Variants in PDE4DIP observed in about 807,000 individuals in gnomAD.
The protein encoded by PDE4DIP is phosphodiesterase 4D interacting protein.
Under a neutral mutation model 221.4 loss-of-function variants are expected in PDE4DIP, and 59 were observed. That is an observed-to-expected ratio of 0.27 (90% CI 0.22 to 0.33). The LOEUF is 0.33. Ranked by LOEUF, PDE4DIP falls within the 10% of genes least tolerant of loss-of-function variation. The probability of loss-of-function intolerance (pLI) is 1.00; values close to 1 mark genes in which losing one functional copy is unlikely to be tolerated. For missense variants in PDE4DIP, 1,036 were observed against 2,154.2 expected, an observed-to-expected ratio of 0.48 and a Z score of 10.28; for synonymous variants, 404 against 815.9, an observed-to-expected ratio of 0.50 and a Z score of 8.60.
At position 148,929,529 on chromosome 1, in the gene PDE4DIP, C is replaced by T. The variant is rs1418887295; in HGVS notation, c.218+256C>T. ...AAACTTCCTATCAGTCAGCAATCAA[C>T]TAAATTGAAACAGTGAATGTTTCCA... On this transcript the variant is annotated intron_variant, in intron 2 of 43. Coordinates refer to ENST00000369354, the Ensembl canonical transcript of PDE4DIP. 4 of 415,082 alleles carry T rather than the reference C, an allele frequency of 9.6e-6. No homozygotes were observed. The Admixed American group carries it at 1.6e-4, about 17-fold the overall frequency. 25.7% of individuals were successfully genotyped at this position (415,082 alleles called of 1,614,324 possible).
At chr1:148,946,533 T>G (rs1199694081) in intron 5 of PDE4DIP, among the ~76,000 whole-genome samples, 2 of 133,918 alleles carry the variant, frequency 1.5e-5, no homozygotes, top group Non-Finnish European at 3.4e-5. Context: ...AGAGCAAGAC[T>G]TCGTCTCAAA....
chr1:148,992,034 T>C (rs1288590420), intron 22 of PDE4DIP, 61 bp downstream of exon 25: 2 of 638,692 alleles, frequency 3.1e-6, no homozygotes, highest in African/African-American at 3.7e-5. Flanking sequence ...TTCTGAGGTC[T>C]GATAGTCTCC....
intron 9 of PDE4DIP, 84 bp from the exon 13 acceptor site, chr1:148,965,400 T>A: frequency 1.2e-6 from 1 of 815,758 alleles, no homozygotes; most frequent in South Asian, 1.7e-5. Flanking sequence ...TCAGTTTATA[T>A]ACCTTGAAAA....
chr1:148,821,687 C>A (rs1226978234), intron 1 of PDE4DIP, among the ~76,000 whole-genome samples: 1 of 144,314 alleles, frequency 6.9e-6, no homozygotes, highest in South Asian at 2.3e-4. Context: ...CCTCATAGGC[C>A]GTGGTAAGAA....
intron 1 of PDE4DIP, among the ~76,000 whole-genome samples, chr1:148,925,707 A>T (rs1337114326): frequency 1.3e-5 from 2 of 151,542 alleles, no homozygotes; most frequent in African/African-American, 4.8e-5. Context: ...GCTGTGTGCA[A>T]GGCATTGTTC....
intron 21 of PDE4DIP, chr1:148,985,495 G>C (rs1462036750): frequency 2.6e-5 from 4 of 152,078 alleles, no homozygotes; most frequent in Non-Finnish European, 4.4e-5. Context: ...AGTAATCTAA[G>C]TATTAACAGA....
At chr1:148,996,725 G>T (rs880000904) in intron 22 of PDE4DIP, among the ~76,000 whole-genome samples, 5 of 152,202 alleles carry the variant, frequency 3.3e-5, no homozygotes, top group African/African-American at 1.2e-4. Context: ...CAGTGGCTTC[G>T]CACCAACCCC....
At chr1:148,906,666 ATATGTT>A (rs2041898704) in intron 1 of PDE4DIP, among the ~76,000 whole-genome samples, 1 of 56,636 alleles carries the variant, frequency 1.8e-5, no homozygotes, top group African/African-American at 8.1e-5. Flanking sequence ...TTAGGTGCAT[ATATGTT>A]TAGGATTGTG....
chr1:149,001,700 A>G, exon 24 of PDE4DIP: 1 of 1,585,252 alleles, frequency 6.3e-7, no homozygotes. Flanking sequence ...GGGCGAGGTG[A>G]TGGTTGAGAC....
At chr1:149,013,851 G>A (rs1402340082) in intron 32 of PDE4DIP, among the ~76,000 whole-genome samples, 1 of 136,880 alleles carries the variant, frequency 7.3e-6, no homozygotes, top group East Asian at 2.2e-4. Context: ...GCAGTGGCAC[G>A]ATCTCGGCTC....
chr1:148,985,088 T>G (rs2061688287), intron 21 of PDE4DIP: 2 of 152,168 alleles, frequency 1.3e-5, no homozygotes, highest in South Asian at 4.1e-4. Flanking sequence ...GAAATTGTAC[T>G]AGAGATAGAA....
At chr1:148,953,145 A>G in intron 5 of PDE4DIP, 1 of 1,614,114 alleles carries the variant, frequency 6.2e-7, no homozygotes, top group South Asian at 1.1e-5. Context: ...GTCTTACCCG[A>G]TGCGAGATAC....
At chr1:148,821,122 T>A (rs1669107441) in intron 1 of PDE4DIP, among the ~76,000 whole-genome samples, 4 of 149,014 alleles carry the variant, frequency 2.7e-5, no homozygotes, top group African/African-American at 1.0e-4. Flanking sequence ...ATGATCTGAT[T>A]TTTTGAGCAT....
intron 21 of PDE4DIP, chr1:148,982,838 A>G (rs1470731915): frequency 6.6e-6 from 1 of 152,032 alleles, no homozygotes; most frequent in African/African-American, 2.4e-5. Flanking sequence ...TCACATGTTG[A>G]CATGGCTTGT....
At chr1:149,013,370 A>G (rs1488014674) in intron 32 of PDE4DIP, among the ~76,000 whole-genome samples, 1 of 114,890 alleles carries the variant, frequency 8.7e-6, no homozygotes, top group African/African-American at 3.5e-5. Flanking sequence ...CAGCTATGGC[A>G]TCTGACTGTG....
At chr1:148,881,949 AT>A (rs1353840199) in intron 3 of PDE4DIP, among the ~76,000 whole-genome samples, 2 of 112,104 alleles carry the variant, frequency 1.8e-5, no homozygotes, top group Non-Finnish European at 3.6e-5. Flanking sequence ...TACTTTGTAC[AT>A]TGTCAAAACC....
intron 5 of PDE4DIP, among the ~76,000 whole-genome samples, chr1:148,940,612 G>T (rs587607079): frequency 1.2e-3 from 180 of 152,214 alleles, no homozygotes; most frequent in African/African-American, 4.0e-3. Flanking sequence ...GAGCTGAGGG[G>T]ATCAGCATCT....
intron 5 of PDE4DIP, chr1:148,954,026 C>G (rs2054456046): frequency 1.5e-6 from 1 of 687,460 alleles, no homozygotes; most frequent in Non-Finnish European, 2.5e-6. Context: ...GTCATGACCC[C>G]ATTTTTGCTG....
rs1553573141 is a variant in PDE4DIP, at chr1:149,000,204, AATTACCC to A, written c.3138-1383_3138-1377del. Among the ~76,000 whole-genome samples the A allele has an allele frequency of 3.3e-5, 5 of 152,262 alleles. No individual in the cohort carries two copies. The East Asian group carries it at 9.6e-4, about 29-fold the overall frequency. ...CCCACTGCTGATCCTTCAAGTTGTGAATTACCCATTTCCTGTGCATCCTCTAGCTCAG... is the reference window on the plus strand; with the variant it reads ...CCCACTGCTGATCCTTCAAGTTGTGAATTTCCTGTGCATCCTCTAGCTCAG... On this transcript the variant is annotated intron_variant, in intron 23 of 43. Transcript: ENST00000369354.
Sources: gnomAD v4.1 joint callset for allele counts (sites outside exome capture counted in the v4.1 genomes callset) on GRCh38, gnomAD v4.1.1 for gene constraint, MANE v1.5 for transcripts, NCBI Gene and HGNC (gene_info 2026-07-23, HGNC 2026-07-21) for gene names.